TBC1D9: variants seen among roughly 807,000 people sequenced by gnomAD.
TBC1D9 encodes TBC1 domain family member 9A.
Under a neutral mutation model 132.0 loss-of-function variants are expected in TBC1D9, and 63 were observed. That is an observed-to-expected ratio of 0.48 (90% CI 0.39 to 0.59). TBC1D9 has a LOEUF of 0.59. TBC1D9 is among the 20% of genes least tolerant of loss of function. The probability of loss-of-function intolerance (pLI) is 0.00; values close to 1 mark genes in which losing one functional copy is unlikely to be tolerated. For synonymous variants in TBC1D9, 610 were observed against 609.9 expected (o/e 1.00, Z 0.00); for missense variants, 1,261 against 1,592.7 (o/e 0.79, Z 3.54).
intron 1 of TBC1D9, among the ~76,000 whole-genome samples, chr4:140,725,330 C>T (rs1738481892): frequency 6.6e-6 from 1 of 152,126 alleles, no homozygotes; most frequent in East Asian, 1.9e-4. Flanking sequence ...CTGAGAACGA[C>T]CCTGTATGGT....
chr4:140,728,632 G>T (rs763247950), intron 1 of TBC1D9, among the ~76,000 whole-genome samples: 1 of 151,740 alleles, frequency 6.6e-6, no homozygotes, highest in Non-Finnish European at 1.5e-5. Flanking sequence ...TAGCTGGGAA[G>T]CTGGGATTAC....
At chr4:140,687,210 G>C (rs898304199) in intron 2 of TBC1D9, among the ~76,000 whole-genome samples, 25 of 150,562 alleles carry the variant, frequency 1.7e-4, no homozygotes, top group Non-Finnish European at 3.5e-4. Flanking sequence ...CATCAGGGTG[G>C]GGGTATAAAG....
intron 13 of TBC1D9, chr4:140,643,519 C>A: frequency 1.1e-6 from 1 of 881,362 alleles, no homozygotes. Context: ...CTCGGGCACT[C>A]TCCCTCCCCG....
chr4:140,753,193 C>T (rs1210476628), intron 1 of TBC1D9, among the ~76,000 whole-genome samples: 3 of 152,156 alleles, frequency 2.0e-5, no homozygotes, highest in Non-Finnish European at 2.9e-5. Context: ...CAGTTTGCCC[C>T]CATCCATTCC....
chr4:140,673,055 G>T (rs1230048064), intron 6 of TBC1D9, among the ~76,000 whole-genome samples: 1 of 151,974 alleles, frequency 6.6e-6, no homozygotes, highest in Admixed American at 6.5e-5. Flanking sequence ...AGCTACTCAG[G>T]TGGCTGAGGC....
intron 2 of TBC1D9, among the ~76,000 whole-genome samples, chr4:140,698,908 G>C (rs1246353386): frequency 6.6e-6 from 1 of 152,166 alleles, no homozygotes; most frequent in Non-Finnish European, 1.5e-5. Flanking sequence ...TTAGTTGGAT[G>C]CCCAGAAATT....
intron 17 of TBC1D9, 108 bp from the exon 18 acceptor site, chr4:140,627,635 T>C (rs766045236): frequency 1.6e-5 from 12 of 756,736 alleles, no homozygotes; most frequent in Non-Finnish European, 2.2e-5. Flanking sequence ...AAGCTAAAGT[T>C]ACAAAGGTGG....
At chr4:140,627,606 T>G in intron 17 of TBC1D9, 79 bp from the exon 18 acceptor site, 1 of 943,492 alleles carries the variant, frequency 1.1e-6, no homozygotes, top group Non-Finnish European at 1.7e-6. Context: ...TTAAATAAAA[T>G]GACATAAGTG....
rs758889060 is a variant in TBC1D9 at position 140,756,055 on chromosome 4, T to C, written c.-10A>G. On this transcript the variant is annotated 5_prime_UTR_variant, in exon 1 of 21. Coordinates refer to ENST00000442267, the MANE Select transcript of TBC1D9 (RefSeq NM_015130.3). The surrounding 1 kb of genome is among the most constrained non-coding windows in gnomAD (Gnocchi z 5.6). ...CCGGGTTCACCCACATGGTCCTGGCTGCCGCGGGCGGGCGCACAATGGGCC... is the reference window on the plus strand; with the variant it reads ...CCGGGTTCACCCACATGGTCCTGGCCGCCGCGGGCGGGCGCACAATGGGCC... The C allele has an allele frequency of 6.9e-6, 11 of 1,597,816 alleles. No individual in the cohort carries two copies. In the African/African-American group the frequency reaches 1.5e-4, roughly 22 times the overall value.
intron 18 of TBC1D9, among the ~76,000 whole-genome samples, chr4:140,625,469 C>T (rs1736690888): frequency 6.6e-6 from 1 of 152,146 alleles, no homozygotes; most frequent in South Asian, 2.1e-4. Flanking sequence ...TGTTAGGGTG[C>T]ATTCCAGCAC....
intron 9 of TBC1D9, among the ~76,000 whole-genome samples, chr4:140,667,230 C>T (rs1195041615): frequency 6.6e-6 from 1 of 152,070 alleles, no homozygotes; most frequent in Admixed American, 6.5e-5. Flanking sequence ...AACAGAGGGC[C>T]GTGTGGAGAC....
intron 1 of TBC1D9, among the ~76,000 whole-genome samples, chr4:140,709,488 T>C (rs1347721506): frequency 1.5e-5 from 2 of 136,946 alleles, no homozygotes; most frequent in African/African-American, 2.7e-5. Context: ...AAAAATATGA[T>C]GCATATGGAA....
At chr4:140,727,467 C>A (rs1738519191) in intron 1 of TBC1D9, among the ~76,000 whole-genome samples, 1 of 152,214 alleles carries the variant, frequency 6.6e-6, no homozygotes, top group South Asian at 2.1e-4. Context: ...CCACCTATGG[C>A]CTAGGATGGA....
At chr4:140,689,492 CTT>C (rs1737841855) in intron 2 of TBC1D9, among the ~76,000 whole-genome samples, 1 of 106,078 alleles carries the variant, frequency 9.4e-6, no homozygotes, top group East Asian at 3.5e-4. Context: ...TTTCCCTTCC[CTT>C]CCCCCTTTCC....
rs916513003 is a variant in TBC1D9, at chr4:140,679,309, T to C, written c.590-106A>G. On this transcript the variant is annotated intron_variant, in intron 4 of 20. Coordinates refer to ENST00000442267, the MANE Select transcript of TBC1D9 (RefSeq NM_015130.3). ...CCCCATCCCACTGAACTCCTTTGAG[T>C]TTATAATACCATATTTGTTTTGCTT... 2.4e-5 allele frequency: 29 copies of C among 1,189,372 alleles called. No individual in the cohort carries two copies. The African/African-American group carries it at 4.1e-4, about 17-fold the overall frequency. The allele number at this position is 1,189,372 out of a possible 1,614,324, so 73.7% of individuals were successfully genotyped here.
intron 1 of TBC1D9, among the ~76,000 whole-genome samples, chr4:140,727,031 A>G (rs1378542809): frequency 6.6e-6 from 1 of 152,190 alleles, no homozygotes; most frequent in Non-Finnish European, 1.5e-5. Context: ...CATTCTGATA[A>G]CCCCAAATAA....
chr4:140,734,415 C>A (rs1313126554), intron 1 of TBC1D9, among the ~76,000 whole-genome samples: 1 of 152,164 alleles, frequency 6.6e-6, no homozygotes, highest in African/African-American at 2.4e-5. Context: ...CAGGCACGAG[C>A]CACCACACCC....
chr4:140,669,875 G>A (rs572507906), intron 7 of TBC1D9, 71 bp from the exon 8 acceptor site: 2 of 1,408,196 alleles, frequency 1.4e-6, no homozygotes, highest in South Asian at 1.3e-5. Flanking sequence ...AGTGTCTTCT[G>A]TATGGTTATC....
At chr4:140,658,604 G>A (rs946597302) in intron 11 of TBC1D9, among the ~76,000 whole-genome samples, 2 of 152,078 alleles carry the variant, frequency 1.3e-5, no homozygotes, top group African/African-American at 2.4e-5. Context: ...GAGGTCAGGA[G>A]TTTGAGACCA....
Sources: allele counts gnomAD v4.1 joint callset (sites outside exome capture counted in the v4.1 genomes callset), GRCh38; gene constraint gnomAD v4.1.1; non-coding constraint Gnocchi (gnomAD v3.1); transcripts MANE v1.5; gene names NCBI Gene and HGNC (gene_info 2026-07-23, HGNC 2026-07-21).